Variants in CCDC97 observed in about 807,000 individuals in gnomAD.
CCDC97 encodes the protein coiled-coil domain containing 97.
A neutral mutation model predicts 33.9 loss-of-function variants in CCDC97; 27 were observed. That is an observed-to-expected ratio of 0.80 (90% CI 0.59 to 1.10). CCDC97 has a LOEUF of 1.10. CCDC97 is among the 50% of genes least tolerant of loss of function. The probability of loss-of-function intolerance (pLI) is 0.00; values close to 1 mark genes in which losing one functional copy is unlikely to be tolerated. For missense variants in CCDC97, 422 were observed against 476.6 expected (o/e 0.89, Z 1.07); for synonymous variants, 217 against 194.0 (o/e 1.12, Z -0.99).
intron 1 of CCDC97, among the ~76,000 whole-genome samples, chr19:41,312,645 T>C (rs966710777): frequency 6.6e-6 from 1 of 152,210 alleles, no homozygotes; most frequent in Non-Finnish European, 1.5e-5. Context: ...GTTGCTGAAC[T>C]GAAATCCAGG....
At chr19:41,321,751 A>G (rs2037826760) in intron 4 of CCDC97, among the ~76,000 whole-genome samples, 1 of 152,220 alleles carries the variant, frequency 6.6e-6, no homozygotes, top group African/African-American at 2.4e-5. Context: ...CAGAGCCCCC[A>G]GCAGCACCAA....
At chr19:41,317,443 C>T (rs1428588268) in intron 2 of CCDC97, among the ~76,000 whole-genome samples, 3 of 152,156 alleles carry the variant, frequency 2.0e-5, no homozygotes, top group African/African-American at 4.8e-5. Context: ...GAGAGAGAGG[C>T]TGGGCATGAT....
chr19:41,315,552 G>A (rs896016079), intron 1 of CCDC97, among the ~76,000 whole-genome samples: 1 of 151,804 alleles, frequency 6.6e-6, no homozygotes, highest in African/African-American at 2.4e-5. Context: ...GGCAGTTGCA[G>A]TGGGCAGATC....
rs374299134 is a variant in CCDC97, at chr19:41,320,372, G to T, written c.813G>T (p.Trp271Cys). ...DQRSGKDSEAWVPDSEERLIL... is the reference protein window; with the variant it reads ...DQRSGKDSEACVPDSEERLIL... ...GGTCAGGCAAGGACTCGGAGGCCTG[G>T]GTTCCCGACTCGGAGGAGAGGCTGA... The change falls in exon 4 of 5, where the codon TGG becomes TGT. Residue 271 changes from tryptophan to cysteine, a missense_variant. Transcript: ENST00000269967. 4 of 1,613,994 alleles carry T rather than the reference G, an allele frequency of 2.5e-6. No individual in the cohort carries two copies. Among genetic ancestry groups the T allele is most frequent in the Non-Finnish European group, 3.4e-6 (4 of 1,180,022 alleles).
In CCDC97 at chr19:41,319,626, T is replaced by G; in HGVS notation, c.555T>G (p.Tyr185Ter). The stretch of plus-strand genomic sequence containing the variant: ...TGCGGTTCCGGGCCCCCCTGCTATA[T>G]GAGCAGTACATCGGGCAGTATCTCA... ...EQMRFRAPLL[Y>*]EQYIGQYLTQ... The change falls in exon 3 of 5, where the codon TAT (tyrosine) becomes TAG (stop). Residue 185 changes from tyrosine to a stop codon, truncating the protein, a stop_gained. Coordinates refer to ENST00000269967, the MANE Select transcript of CCDC97 (RefSeq NM_052848.3). LOFTEE classifies it high-confidence loss of function. The G allele has an allele frequency of 6.2e-7, 1 of 1,613,692 alleles. No individual in the cohort carries two copies.
rs1218788584 is a variant in CCDC97 at position 41,314,905 on chromosome 19, G to A, written c.47-1479G>A. 2.6e-5 allele frequency among the ~76,000 whole-genome samples: 4 copies of A among 152,106 alleles called. No homozygotes were observed. The East Asian group carries it at 7.7e-4, about 29-fold the overall frequency. On this transcript the variant is annotated intron_variant, in intron 1 of 4. Coordinates refer to ENST00000269967, the MANE Select transcript of CCDC97 (RefSeq NM_052848.3). ...TAATTCCAGCACTTTGGAAGATCGA[G>A]GTGGGAGGATTGCCTGAGCTCAAGA...
chr19:41,314,235 C>T (rs2037718782), intron 1 of CCDC97, among the ~76,000 whole-genome samples: 1 of 152,156 alleles, frequency 6.6e-6, no homozygotes, highest in South Asian at 2.1e-4. Context: ...CAACCTCTGC[C>T]TCCCAGGTTC....
intron 2 of CCDC97, among the ~76,000 whole-genome samples, chr19:41,317,724 A>C (rs1356504702): frequency 6.6e-6 from 1 of 151,464 alleles, no homozygotes; most frequent in Non-Finnish European, 1.5e-5. Flanking sequence ...AAAAAAAAAA[A>C]AAAACACAGA....
intron 1 of CCDC97, among the ~76,000 whole-genome samples, chr19:41,316,177 A>G (rs2037743459): frequency 6.6e-6 from 1 of 152,146 alleles, no homozygotes; most frequent in African/African-American, 2.4e-5. Context: ...GGAAACACCT[A>G]ACACATTATG....
At chr19:41,315,608 C>G (rs2037736640) in intron 1 of CCDC97, among the ~76,000 whole-genome samples, 1 of 148,750 alleles carries the variant, frequency 6.7e-6, no homozygotes, top group Admixed American at 6.7e-5. Flanking sequence ...AAAACTCCAT[C>G]TCAAAAAAAA....
Position 41,313,827 on chromosome 19 carries a change from G to A in CCDC97, c.47-2557G>A, listed in dbSNP as rs534533751. ...CGATTCTTGTGCCTCTGCTTCCTGA[G>A]TAGCAGGGATTACAGGTGCCCACCA... On this transcript the variant is annotated intron_variant, in intron 1 of 4. Coordinates refer to ENST00000269967, the MANE Select transcript of CCDC97 (RefSeq NM_052848.3). Among the ~76,000 whole-genome samples the A allele has an allele frequency of 1.1e-3, 169 of 152,208 alleles. 1 individual carries two copies. Among genetic ancestry groups the A allele is most frequent in the African/African-American group, 3.9e-3 (163 of 41,508 alleles).
Position 41,322,806 on chromosome 19 carries a change from A to C in CCDC97, c.*91A>C. On this transcript the variant is annotated 3_prime_UTR_variant, in exon 5 of 5. Coordinates refer to ENST00000269967, the MANE Select transcript of CCDC97 (RefSeq NM_052848.3). ...GCTCAGTGACCCTTTCTCTAGGGGG[A>C]CATCAGGGCAGTGCCCCACAACCCA... The C allele has an allele frequency of 2.0e-6, 3 of 1,464,916 alleles. No individual in the cohort carries two copies. In the South Asian group the frequency reaches 3.8e-5, roughly 18 times the overall value. 90.7% of individuals were successfully genotyped at this position (1,464,916 alleles called of 1,614,324 possible). A position where few individuals can be genotyped will look rare whatever the true frequency, so the allele number is the denominator to read the frequency against.
In CCDC97 at chr19:41,317,692, T is replaced by TA. The variant is rs1328508799; in HGVS notation, c.502+856dup. Among the ~76,000 whole-genome samples the TA allele has an allele frequency of 1.6e-3, 194 of 125,070 alleles. 1 individual carries two copies. The highest frequency in any genetic ancestry group is 5.9e-3 in the African/African-American group (187 of 31,554). The allele number at this position is 125,070 out of a possible 152,430, so 82.1% of individuals were successfully genotyped here. ...CACCACTAAGCTCTAGCCTGGGCGA[T>TA]AAAGCCAGATCTTGTCTCAAAAAAA... On this transcript the variant is annotated intron_variant, in intron 2 of 4. Transcript: ENST00000269967.
At position 41,319,617 on chromosome 19, in the gene CCDC97, C is replaced by A. The variant is rs779071197; in HGVS notation, c.546C>A (p.Pro182=). The A allele has an allele frequency of 1.9e-6, 3 of 1,612,670 alleles. No homozygotes were observed. In the African/African-American group the frequency reaches 4.0e-5, roughly 22 times the overall value. Residue 182 remains proline (P), a synonymous_variant, in exon 3 of 5, where the codon CCC becomes CCA. Transcript: ENST00000269967. ...ATGAGCAGATGCGGTTCCGGGCCCC[C>A]CTGCTATATGAGCAGTACATCGGGC... ...FSDEQMRFRA[P]LLYEQYIGQY... is the part of the protein sequence containing the mutation.
chr19:41,321,990 G>A (rs980235743), intron 4 of CCDC97, among the ~76,000 whole-genome samples: 11 of 152,230 alleles, frequency 7.2e-5, no homozygotes, highest in Admixed American at 1.3e-4. Flanking sequence ...TCAAAATGCC[G>A]TGGGGGCAAA....
intron 4 of CCDC97, 45 bp downstream of exon 4, chr19:41,320,515 A>C: frequency 6.2e-7 from 1 of 1,611,850 alleles, no homozygotes. Context: ...CCAGCATCCC[A>C]CGGCCTTTGG....
At chr19:41,319,080 C>T (rs753861780) in intron 2 of CCDC97, among the ~76,000 whole-genome samples, 1 of 152,224 alleles carries the variant, frequency 6.6e-6, no homozygotes, top group South Asian at 2.1e-4. Context: ...GCCATGTACA[C>T]GTCCATGGGC....
rs1462473842 is a variant in CCDC97 at position 41,312,116 on chromosome 19, C to T, written c.46+1760C>T. On this transcript the variant is annotated intron_variant, in intron 1 of 4. Transcript: ENST00000269967. ...TTGTTTGTTTTTTGAGAGAGTCTCA[C>T]TCTGTTGCCCAGGCTGGAGTGCAGT... Among the ~76,000 whole-genome samples the T allele has an allele frequency of 3.9e-5, 6 of 152,154 alleles. No individual in the cohort carries two copies. In the South Asian group the frequency reaches 1.2e-3, roughly 32 times the overall value.
Position 41,323,113 on chromosome 19 carries a change from C to T in CCDC97, c.*398C>T, listed in dbSNP as rs577212926. 67 of 164,174 alleles carry T rather than the reference C, an allele frequency of 4.1e-4. No individual in the cohort carries two copies. The highest frequency in any genetic ancestry group is 7.6e-4 in the Non-Finnish European group (57 of 74,864). The allele number at this position is 164,174 out of a possible 1,614,324, so 10.2% of individuals were successfully genotyped here. ...CCCAAGGTGAAAGTCCTCCCCTTGC[C>T]GGAGGCCAGCTGGCAGGGCCTTTCG... On this transcript the variant is annotated 3_prime_UTR_variant, in exon 5 of 5. Transcript: ENST00000269967.
Sources: gnomAD v4.1 joint callset for allele counts (sites outside exome capture counted in the v4.1 genomes callset) on GRCh38, gnomAD v4.1.1 for gene constraint, MANE v1.5 for transcripts, NCBI Gene and HGNC (gene_info 2026-07-23, HGNC 2026-07-21) for gene names.